Variants in TMEM87B observed in about 807,000 individuals in gnomAD.
TMEM87B encodes transmembrane protein 87B.
Under a neutral mutation model 80.3 loss-of-function variants are expected in TMEM87B, and 83 were observed. That is an observed-to-expected ratio of 1.03 (90% CI 0.87 to 1.24). The LOEUF (loss-of-function observed/expected upper bound fraction) is 1.24, where lower values mean the gene tolerates loss of function less well. TMEM87B is among the 50% of genes most tolerant of loss of function. The pLI, the probability that TMEM87B is intolerant of heterozygous loss-of-function variation, is 0.00. For synonymous variants in TMEM87B, 219 were observed against 230.5 expected (o/e 0.95, Z 0.45); for missense variants, 625 against 674.4 (o/e 0.93, Z 0.81).
At chr2:112,064,589 A>G (rs1678359360) in intron 3 of TMEM87B, among the ~76,000 whole-genome samples, 1 of 152,256 alleles carries the variant, frequency 6.6e-6, no homozygotes, top group African/African-American at 2.4e-5. Context: ...CTAGAACTGT[A>G]TTGAGTACAA....
At chr2:112,059,919 A>G in intron 1 of TMEM87B, 58 bp from the exon 2 acceptor site, 1 of 1,570,594 alleles carries the variant, frequency 6.4e-7, no homozygotes, top group Non-Finnish European at 8.7e-7. Flanking sequence ...TTGTGGGGTA[A>G]AACAGTTGCA....
intron 6 of TMEM87B, among the ~76,000 whole-genome samples, chr2:112,079,046 A>G (rs1392199504): frequency 6.6e-6 from 1 of 152,216 alleles, no homozygotes. Context: ...TATAATCTAT[A>G]AATACAGTGT....
intron 14 of TMEM87B, 124 bp from the exon 15 acceptor site, chr2:112,100,498 T>A (rs1679599614): frequency 1.7e-6 from 1 of 589,584 alleles, no homozygotes; most frequent in Non-Finnish European, 3.0e-6. Flanking sequence ...AATTACGTTT[T>A]CATTATTTTA....
intron 4 of TMEM87B, among the ~76,000 whole-genome samples, chr2:112,072,460 C>G (rs1404359573): frequency 6.6e-6 from 1 of 152,154 alleles, no homozygotes; most frequent in East Asian, 1.9e-4. Context: ...TCTTATTGGT[C>G]TGTTCAGGGA....
At chr2:112,106,423 C>T (rs943068130) in intron 16 of TMEM87B, among the ~76,000 whole-genome samples, 13 of 152,060 alleles carry the variant, frequency 8.5e-5, no homozygotes, top group African/African-American at 2.7e-4. Context: ...TCTGCACATT[C>T]GAGATGGGAA....
chr2:112,090,771 A>T (rs1439796818), intron 10 of TMEM87B, among the ~76,000 whole-genome samples: 1 of 152,172 alleles, frequency 6.6e-6, no homozygotes, highest in Non-Finnish European at 1.5e-5. Flanking sequence ...TTGAGTGATT[A>T]AGAAGCTTAT....
chr2:112,112,250 G>A (rs776433753), intron 17 of TMEM87B, among the ~76,000 whole-genome samples: 16 of 152,094 alleles, frequency 1.1e-4, no homozygotes, highest in East Asian at 1.9e-4. Context: ...TGTTACATTC[G>A]TCTTTTCTTT....
rs749222333 is a variant in TMEM87B at position 112,095,165 on chromosome 2, C to CTTTTTTTTTTTTTTTTTTTTT, written c.1105-1852_1105-1832dup. ...CGTTTCTCTTTTCTTTTCTTTCTTT[C>CTTTTTTTTTTTTTTTTTTTTT]TTTTTTTTTTTTTTTTTTTTTTTTT... On this transcript the variant is annotated intron_variant, in intron 11 of 18. Coordinates refer to ENST00000283206, the MANE Select transcript of TMEM87B (RefSeq NM_032824.3). 21 of 540,878 alleles carry CTTTTTTTTTTTTTTTTTTTTT rather than the reference C, an allele frequency of 3.9e-5. 4 individuals are homozygous for CTTTTTTTTTTTTTTTTTTTTT. The highest frequency in any genetic ancestry group is 3.5e-4 in the Admixed American group (1 of 2,864). The allele number at this position is 540,878 out of a possible 1,614,324, so 33.5% of individuals were successfully genotyped here. A position where few individuals can be genotyped will look rare whatever the true frequency, so the allele number is the denominator to read the frequency against.
At chr2:112,112,790 C>A in intron 17 of TMEM87B, 109 bp from the exon 18 acceptor site, 1 of 1,020,322 alleles carries the variant, frequency 9.8e-7, no homozygotes, top group Non-Finnish European at 1.5e-6. Context: ...CCTGTGGATA[C>A]CCAGGAGTGA....
At position 112,060,167 on chromosome 2, in the gene TMEM87B, G is replaced by A. The variant is rs1573676885; in HGVS notation, c.226+130G>A. On this transcript the variant is annotated intron_variant, in intron 2 of 18. Coordinates refer to ENST00000283206, the MANE Select transcript of TMEM87B (RefSeq NM_032824.3). ...TCAGGACGAGCCTGGCCAACATAGTGAAACCCCGTCTCTACTAAAAATACA... is the reference window on the plus strand; with the variant it reads ...TCAGGACGAGCCTGGCCAACATAGTAAAACCCCGTCTCTACTAAAAATACA... 4 of 1,063,672 alleles carry A rather than the reference G, an allele frequency of 3.8e-6. No homozygotes were observed. The East Asian group carries it at 1.5e-4, about 41-fold the overall frequency. 65.9% of individuals were successfully genotyped at this position (1,063,672 alleles called of 1,614,324 possible). A position where few individuals can be genotyped will look rare whatever the true frequency, so the allele number is the denominator to read the frequency against.
intron 15 of TMEM87B, among the ~76,000 whole-genome samples, chr2:112,104,425 C>T (rs1177909668): frequency 2.6e-5 from 4 of 152,100 alleles, no homozygotes; most frequent in Non-Finnish European, 1.5e-5. Context: ...GTAGACACTT[C>T]AAAGAAGACA....
chr2:112,062,098 C>T (rs1469241697), intron 2 of TMEM87B, among the ~76,000 whole-genome samples: 1 of 152,216 alleles, frequency 6.6e-6, no homozygotes, highest in African/African-American at 2.4e-5. Context: ...ATTTATACAT[C>T]TACATGGTAA....
chr2:112,106,552 T>C (rs985508998), intron 16 of TMEM87B, among the ~76,000 whole-genome samples: 14 of 152,128 alleles, frequency 9.2e-5, no homozygotes, highest in Non-Finnish European at 1.8e-4. Context: ...ACCTACACGG[T>C]TACCAAAATT....
Position 112,089,670 on chromosome 2 carries a change from T to C in TMEM87B, c.984T>C (p.Leu328=), listed in dbSNP as rs1302536686. 6.2e-7 allele frequency: 1 copy of C among 1,614,190 alleles called. No homozygotes were observed. The highest frequency in any genetic ancestry group is 8.5e-7 in the Non-Finnish European group (1 of 1,180,016). The change falls in exon 10 of 19, where the codon CTT becomes CTC. Residue 328 remains leucine, a synonymous_variant. Transcript: ENST00000283206. ...TGCACCGGGTGATCGGACTGGGGCT[T>C]CTATACTTAATCTTTGCAGCTGTTG... is the stretch of plus-strand genomic sequence containing the variant. The part of the protein sequence containing the change: ...TVMHRVIGLG[L]LYLIFAAVEG...
chr2:112,100,577 C>A, intron 14 of TMEM87B, 45 bp from the exon 15 acceptor site: 1 of 1,271,308 alleles, frequency 7.9e-7, no homozygotes, highest in Admixed American at 2.2e-5. Context: ...GAAAATTGAA[C>A]AAGTTTAAAC....
chr2:112,062,169 T>C (rs1193483293), intron 2 of TMEM87B, among the ~76,000 whole-genome samples: 2 of 152,242 alleles, frequency 1.3e-5, no homozygotes, highest in African/African-American at 4.8e-5. Context: ...AAGGGTGAGA[T>C]GAGAATCTGT....
intron 6 of TMEM87B, among the ~76,000 whole-genome samples, chr2:112,079,356 T>A (rs1245604762): frequency 6.6e-6 from 1 of 152,204 alleles, no homozygotes; most frequent in Non-Finnish European, 1.5e-5. Flanking sequence ...TAAGTGAAAA[T>A]GTGCAGTATT....
At chr2:112,099,424 T>C (rs1460650682) in intron 14 of TMEM87B, among the ~76,000 whole-genome samples, 2 of 151,408 alleles carry the variant, frequency 1.3e-5, no homozygotes, top group Non-Finnish European at 2.9e-5. Context: ...TCTGAAAACA[T>C]CCAAAACTCA....
In TMEM87B at chr2:112,057,985, G is replaced by A. The variant is rs182476324; in HGVS notation, c.166-1992G>A. Among the ~76,000 whole-genome samples the A allele has an allele frequency of 7.9e-5, 12 of 152,168 alleles. No homozygotes were observed. The East Asian group carries it at 2.3e-3, about 29-fold the overall frequency. On this transcript the variant is annotated intron_variant, in intron 1 of 18. Transcript: ENST00000283206. ...TGGGATTACAGGTGTGTGCCACCAC[G>A]CCTGGCTAATTTTTTATTTTTAGTA...
Sources: allele counts gnomAD v4.1 joint callset (sites outside exome capture counted in the v4.1 genomes callset), GRCh38; gene constraint gnomAD v4.1.1; transcripts MANE v1.5; gene names NCBI Gene and HGNC (gene_info 2026-07-23, HGNC 2026-07-21).